Variants in TAFA2 observed in about 807,000 individuals in gnomAD.
TAFA2 encodes TAFA chemokine like family member 2.
In TAFA2, 7 loss-of-function variants were observed where a neutral mutation model predicts 18.8. The observed-to-expected ratio is 0.37, with a 90% confidence interval of 0.21 to 0.70. The LOEUF (loss-of-function observed/expected upper bound fraction) is 0.70, where lower values mean the gene tolerates loss of function less well. Ranked by LOEUF, TAFA2 falls within the 30% of genes least tolerant of loss-of-function variation. The pLI is 0.53. For missense variants in TAFA2, 122 were observed against 158.1 expected (o/e 0.77, Z 1.23); for synonymous variants, 60 against 54.2 (o/e 1.11, Z -0.47).
chr12:61,990,409 G>C (rs547213300), intron 1 of TAFA2, among the ~76,000 whole-genome samples: 1 of 130,786 alleles, frequency 7.6e-6, no homozygotes, highest in South Asian at 2.4e-4. Context: ...GCGCTATCTC[G>C]GCTCACTGCA....
chr12:61,929,204 G>A (rs747678034), intron 1 of TAFA2, among the ~76,000 whole-genome samples: 2 of 150,968 alleles, frequency 1.3e-5, no homozygotes, highest in Non-Finnish European at 2.9e-5. Flanking sequence ...CAAGTGGAGG[G>A]ATTGGTGTTA....
At chr12:61,837,984 T>A (rs1202485368) in intron 2 of TAFA2, among the ~76,000 whole-genome samples, 3 of 152,016 alleles carry the variant, frequency 2.0e-5, no homozygotes, top group Non-Finnish European at 4.4e-5. Context: ...CTGCCACATC[T>A]ATTTTATGTG....
At chr12:62,178,850 C>T (rs2062532742) in intron 1 of TAFA2, among the ~76,000 whole-genome samples, 1 of 152,130 alleles carries the variant, frequency 6.6e-6, no homozygotes, top group South Asian at 2.1e-4. Context: ...TGTTAAACAT[C>T]CTTGAAAAGA....
intron 1 of TAFA2, chr12:62,104,912 G>A (rs912646504): frequency 1.7e-5 from 4 of 239,488 alleles, no homozygotes; most frequent in Admixed American, 1.6e-4. Context: ...ATTTCAAAAC[G>A]TTGGCTGCCA....
At chr12:61,719,604 G>T (rs1297631885) in intron 4 of TAFA2, among the ~76,000 whole-genome samples, 2 of 152,088 alleles carry the variant, frequency 1.3e-5, no homozygotes, top group Non-Finnish European at 2.9e-5. Context: ...GATTATCAGA[G>T]AGCTTGATTT....
chr12:61,760,015 A>C (rs1323555375), intron 2 of TAFA2, among the ~76,000 whole-genome samples: 1 of 151,596 alleles, frequency 6.6e-6, no homozygotes, highest in African/African-American at 2.4e-5. Flanking sequence ...GATTAATAGT[A>C]AAGTTGACCA....
chr12:61,739,437 T>C (rs1868363048), intron 4 of TAFA2, among the ~76,000 whole-genome samples: 1 of 152,000 alleles, frequency 6.6e-6, no homozygotes, highest in Non-Finnish European at 1.5e-5. Flanking sequence ...CTACAGAAAA[T>C]AATTCTATTA....
At chr12:61,716,413 C>G (rs1165147154) in intron 4 of TAFA2, among the ~76,000 whole-genome samples, 1 of 152,096 alleles carries the variant, frequency 6.6e-6, no homozygotes, top group African/African-American at 2.4e-5. Flanking sequence ...TTGCAAATTT[C>G]CCTATTCTTT....
At chr12:61,833,731 A>G (rs766080754) in intron 2 of TAFA2, among the ~76,000 whole-genome samples, 4 of 151,800 alleles carry the variant, frequency 2.6e-5, no homozygotes, top group African/African-American at 7.3e-5. Context: ...TTTGTTGTCT[A>G]TAAGAACTCT....
At chr12:61,805,818 C>T (rs1442551793) in intron 2 of TAFA2, among the ~76,000 whole-genome samples, 2 of 152,012 alleles carry the variant, frequency 1.3e-5, no homozygotes, top group Non-Finnish European at 2.9e-5. Flanking sequence ...TTCCTAGAGC[C>T]CTGAGCTGAG....
At chr12:62,234,118 A>T (rs1187072683) in intron 1 of TAFA2, among the ~76,000 whole-genome samples, 2 of 152,286 alleles carry the variant, frequency 1.3e-5, no homozygotes, top group South Asian at 4.1e-4. Context: ...GACATGTCCA[A>T]TGGTATATGT....
intron 2 of TAFA2, among the ~76,000 whole-genome samples, chr12:61,788,506 C>A (rs1019064627): frequency 3.3e-5 from 5 of 151,610 alleles, no homozygotes; most frequent in Non-Finnish European, 5.9e-5. Context: ...TATCAAATAT[C>A]TTTTCTGATC....
At chr12:62,176,883 T>C (rs992719868) in intron 1 of TAFA2, among the ~76,000 whole-genome samples, 1 of 152,196 alleles carries the variant, frequency 6.6e-6, no homozygotes, top group Admixed American at 6.5e-5. Flanking sequence ...GATGCAATAC[T>C]GTGTGGTTAA....
intron 1 of TAFA2, among the ~76,000 whole-genome samples, chr12:62,133,826 T>C (rs1464408016): frequency 6.6e-6 from 1 of 152,084 alleles, no homozygotes; most frequent in African/African-American, 2.4e-5. Flanking sequence ...CAAATAATCA[T>C]TGAGCATATA....
chr12:62,140,319 G>A (rs1351128814), intron 1 of TAFA2: 2 of 152,150 alleles, frequency 1.3e-5, no homozygotes, highest in East Asian at 1.9e-4. Context: ...AACTTCTCCT[G>A]TCTGCAAGAA....
At chr12:61,987,476 A>G (rs1357625158) in intron 1 of TAFA2, among the ~76,000 whole-genome samples, 2 of 152,140 alleles carry the variant, frequency 1.3e-5, no homozygotes, top group South Asian at 2.1e-4. Flanking sequence ...CCGGAGTAAC[A>G]TGTACAATTT....
intron 2 of TAFA2, among the ~76,000 whole-genome samples, chr12:61,770,258 G>C (rs1565628196): frequency 6.6e-6 from 1 of 152,072 alleles, no homozygotes; most frequent in African/African-American, 2.4e-5. Context: ...TCAAACCTAA[G>C]AATAATTCAT....
chr12:62,105,437 G>C (rs1403051482), intron 1 of TAFA2, among the ~76,000 whole-genome samples: 1 of 151,948 alleles, frequency 6.6e-6, no homozygotes, highest in Non-Finnish European at 1.5e-5. Flanking sequence ...ATAACCAAAG[G>C]GAAACAATTT....
At chr12:62,059,129 A>ATGTG (rs1565730990) in intron 1 of TAFA2, among the ~76,000 whole-genome samples, 13 of 76,870 alleles carry the variant, frequency 1.7e-4, no homozygotes, top group African/African-American at 6.8e-4. Context: ...ATATATATAT[A>ATGTG]TGTGTGTATA....
Sources: gnomAD v4.1 joint callset for allele counts (sites outside exome capture counted in the v4.1 genomes callset) on GRCh38, gnomAD v4.1.1 for gene constraint, MANE v1.5 for transcripts, NCBI Gene and HGNC (gene_info 2026-07-23, HGNC 2026-07-21) for gene names.